PHLDB2: variants seen among roughly 807,000 people sequenced by gnomAD.
The protein encoded by PHLDB2 is pleckstrin homology-like domain family B member 2.
Under a neutral mutation model 123.6 loss-of-function variants are expected in PHLDB2, and 71 were observed. That is an observed-to-expected ratio of 0.57 (90% CI 0.47 to 0.70). PHLDB2 has a LOEUF of 0.70. Among genes scored for constraint, PHLDB2 ranks in the 30% least tolerant of loss-of-function variants. The pLI is 0.00. For synonymous variants in PHLDB2, 547 were observed against 541.6 expected, an observed-to-expected ratio of 1.01 and a Z score of -0.14; for missense variants, 1,446 against 1,519.5, an observed-to-expected ratio of 0.95 and a Z score of 0.80.
intron 1 of PHLDB2, among the ~76,000 whole-genome samples, chr3:111,767,118 C>A (rs945749132): frequency 6.6e-6 from 1 of 151,278 alleles, no homozygotes; most frequent in Non-Finnish European, 1.5e-5. Context: ...CTGAGAAAGT[C>A]ACCTTGCTAT....
At position 111,932,524 on chromosome 3, in the gene PHLDB2, G is replaced by A. The variant is rs532399972; in HGVS notation, c.2130+127G>A. 222 of 966,728 alleles carry A rather than the reference G, an allele frequency of 2.3e-4. 7 individuals are homozygous for A. In the South Asian group the frequency reaches 3.8e-3, roughly 16 times the overall value. The allele number at this position is 966,728 out of a possible 1,614,324, so 59.9% of individuals were successfully genotyped here. A position where few individuals can be genotyped will look rare whatever the true frequency, so the allele number is the denominator to read the frequency against. ...TGCATAAGTTCTAGTCATTAGATAC[G>A]TTTAAATGGAAATATGCATGCTAAC... On this transcript the variant is annotated intron_variant, in intron 6 of 17. Transcript: ENST00000431670.
At chr3:111,782,413 A>G (rs753067202) in intron 1 of PHLDB2, among the ~76,000 whole-genome samples, 2 of 152,134 alleles carry the variant, frequency 1.3e-5, no homozygotes, top group Non-Finnish European at 2.9e-5. Context: ...CTGGCCTACC[A>G]TGAGCCCCTC....
chr3:111,840,598 A>G (rs756783910), intron 1 of PHLDB2, among the ~76,000 whole-genome samples: 5 of 152,228 alleles, frequency 3.3e-5, no homozygotes, highest in Non-Finnish European at 7.3e-5. Context: ...CAGAAAAGAT[A>G]AAGAGACAAT....
chr3:111,792,551 T>C (rs148260230), intron 1 of PHLDB2, among the ~76,000 whole-genome samples: 1 of 151,854 alleles, frequency 6.6e-6, no homozygotes, highest in Non-Finnish European at 1.5e-5. Flanking sequence ...TACAAAAAAT[T>C]TTAAAATTCG....
rs757101732 is a variant in PHLDB2, at chr3:111,962,222, A to G, written c.2987A>G (p.Tyr996Cys). 18 of 1,581,912 alleles carry G rather than the reference A, an allele frequency of 1.1e-5. No homozygotes were observed. The highest frequency in any genetic ancestry group is 4.1e-5 in the Admixed American group (2 of 48,682). The change falls in exon 13 of 18, where the codon TAC becomes TGC. Residue 996 changes from tyrosine (Y) to cysteine (C), a missense_variant. Physicochemically the swap from Tyr to Cys is radical, Grantham distance 194 (BLOSUM62 -2). Around this residue, in one of 3 missense-constraint regions of PHLDB2, gnomAD observed 594 missense variants for 646.0 expected, o/e 0.92. Coordinates refer to ENST00000431670, the MANE Select transcript of PHLDB2 (RefSeq NM_001134438.2). The stretch of plus-strand genomic sequence containing the variant: ...AGTTTCCATTATCCAGATCACAGCT[A>G]CAAGGACCAGGCCTTTGATACTCTG... ...LNSFHYPDHS[Y>C]KDQAFDTLSL...
chr3:111,896,285 G>A (rs1299429760), intron 2 of PHLDB2, among the ~76,000 whole-genome samples: 1 of 151,978 alleles, frequency 6.6e-6, no homozygotes, highest in African/African-American at 2.4e-5. Context: ...TATTTATTGA[G>A]CTACCATTTT....
At chr3:111,775,567 C>A (rs1001026036) in intron 1 of PHLDB2, among the ~76,000 whole-genome samples, 2 of 152,106 alleles carry the variant, frequency 1.3e-5, no homozygotes, top group Admixed American at 6.6e-5. Context: ...TTTGGTCATC[C>A]TTCCTAGACC....
At chr3:111,785,017 C>G (rs879357221) in intron 1 of PHLDB2, among the ~76,000 whole-genome samples, 2 of 152,058 alleles carry the variant, frequency 1.3e-5, no homozygotes, top group African/African-American at 4.8e-5. Flanking sequence ...AAGCTTTGAT[C>G]ATATATTTCC....
chr3:111,936,259 C>G (rs1297947296), intron 6 of PHLDB2, among the ~76,000 whole-genome samples: 1 of 152,202 alleles, frequency 6.6e-6, no homozygotes, highest in Non-Finnish European at 1.5e-5. Flanking sequence ...CATGCCTGGC[C>G]TTTGAGCTTG....
At chr3:111,803,595 G>T (rs1457089941) in intron 1 of PHLDB2, among the ~76,000 whole-genome samples, 2 of 152,046 alleles carry the variant, frequency 1.3e-5, no homozygotes, top group Non-Finnish European at 2.9e-5. Context: ...TCACCCACCA[G>T]CAATCCCTGG....
At chr3:111,831,789 A>G (rs1309393609) in intron 1 of PHLDB2, among the ~76,000 whole-genome samples, 1 of 152,170 alleles carries the variant, frequency 6.6e-6, no homozygotes, top group African/African-American at 2.4e-5. Context: ...TAAAAATGTA[A>G]ATAAGTTTAA....
chr3:111,837,314 C>T (rs2063460688), intron 1 of PHLDB2, among the ~76,000 whole-genome samples: 1 of 152,078 alleles, frequency 6.6e-6, no homozygotes, highest in African/African-American at 2.4e-5. Flanking sequence ...TACAATATTC[C>T]TTATAAAAGT....
At chr3:111,810,351 G>C (rs1308628866) in intron 1 of PHLDB2, among the ~76,000 whole-genome samples, 1 of 152,102 alleles carries the variant, frequency 6.6e-6, no homozygotes, top group Admixed American at 6.5e-5. Flanking sequence ...AAATACTATA[G>C]ACTGGGCGGC....
At chr3:111,795,724 T>A (rs1435134158) in intron 1 of PHLDB2, among the ~76,000 whole-genome samples, 1 of 152,094 alleles carries the variant, frequency 6.6e-6, no homozygotes, top group Non-Finnish European at 1.5e-5. Context: ...TGGGTAGGTT[T>A]TTTTTGGTTT....
At chr3:111,839,583 A>G (rs2063575398) in intron 1 of PHLDB2, among the ~76,000 whole-genome samples, 1 of 152,206 alleles carries the variant, frequency 6.6e-6, no homozygotes, top group African/African-American at 2.4e-5. Context: ...TGATTTTCTC[A>G]GATTCTCTGG....
intron 2 of PHLDB2, among the ~76,000 whole-genome samples, chr3:111,852,282 G>A (rs76403048): frequency 0.011 from 1,630 of 145,590 alleles, 13 homozygotes; most frequent in Non-Finnish European, 0.019. Context: ...TCTCTCTCTC[G>A]CTCTCTCTCT....
intron 1 of PHLDB2, among the ~76,000 whole-genome samples, chr3:111,749,192 A>G (rs2077481605): frequency 1.3e-5 from 2 of 152,172 alleles, no homozygotes; most frequent in South Asian, 4.1e-4. Flanking sequence ...TTCCAATGTA[A>G]TTAACCACCA....
At position 111,854,008 on chromosome 3, in the gene PHLDB2, A is replaced by C. The variant is rs1327090895; in HGVS notation, c.67+8073A>C. Among the ~76,000 whole-genome samples the C allele has an allele frequency of 2.0e-5, 3 of 152,254 alleles. No homozygotes were observed. The East Asian group carries it at 5.8e-4, about 29-fold the overall frequency. ...TATAAAGAAATACCTGAGACTGGGT[A>C]ACTTATAAAGGAAAGAGGTTTAATT... On this transcript the variant is annotated intron_variant, in intron 2 of 17. Coordinates refer to the PHLDB2 transcript ENST00000393923.
chr3:111,775,400 T>A (rs1200956482), intron 1 of PHLDB2, among the ~76,000 whole-genome samples: 1 of 152,162 alleles, frequency 6.6e-6, no homozygotes, highest in Non-Finnish European at 1.5e-5. Flanking sequence ...GATGATACTT[T>A]AGAAAAACTG....
Sources: gnomAD v4.1 joint callset for allele counts (sites outside exome capture counted in the v4.1 genomes callset) on GRCh38, gnomAD v4.1.1 for gene constraint, gnomAD v4.1.1 regional missense constraint, MANE v1.5 for transcripts, NCBI Gene and HGNC (gene_info 2026-07-23, HGNC 2026-07-21) for gene names.